The following HNRNPA1L2 variants were observed in gnomAD, a reference collection of about 807,000 sequenced individuals.
The protein encoded by HNRNPA1L2 is heterogeneous nuclear ribonucleoprotein A1-like 2.
A neutral mutation model predicts 18.2 loss-of-function variants in HNRNPA1L2; 10 were observed. That is an observed-to-expected ratio of 0.55 (90% CI 0.34 to 0.93). The LOEUF (loss-of-function observed/expected upper bound fraction) is 0.93, where lower values mean the gene tolerates loss of function less well. Ranked by LOEUF, HNRNPA1L2 falls within the 40% of genes least tolerant of loss-of-function variation. The pLI is 0.02. For missense variants in HNRNPA1L2, 308 were observed against 394.4 expected (o/e 0.78, Z 1.85); for synonymous variants, 124 against 138.6 (o/e 0.89, Z 0.74).
the HNRNPA1L2 span, among the ~76,000 whole-genome samples, chr13:52,625,203 CT>C: frequency 1.3e-5 from 2 of 150,624 alleles, no homozygotes; most frequent in Non-Finnish European, 3.0e-5. Flanking sequence ...CAACCTCCGC[CT>C]TCTAGGTTGA....
chr13:52,624,701 T>C, the HNRNPA1L2 span, among the ~76,000 whole-genome samples: 3 of 152,184 alleles, frequency 2.0e-5, no homozygotes, highest in Non-Finnish European at 4.4e-5. Context: ...ATTTGTTATA[T>C]TAGGTATTAC....
At chr13:52,635,530 G>A in the HNRNPA1L2 span, among the ~76,000 whole-genome samples, 6 of 150,782 alleles carry the variant, frequency 4.0e-5, no homozygotes, top group African/African-American at 7.3e-5. Flanking sequence ...AGATACACCC[G>A]TGAAACTGCC....
chr13:52,642,384 C>G, upstream of HNRNPA1L2: 1 of 1,400,792 alleles, frequency 7.1e-7, no homozygotes. Flanking sequence ...CAGCCAGAAT[C>G]TCATCCAAAT....
chr13:52,628,269 C>G, the HNRNPA1L2 span, among the ~76,000 whole-genome samples: 2 of 151,924 alleles, frequency 1.3e-5, no homozygotes, highest in African/African-American at 2.4e-5. Context: ...AAAACAAGAC[C>G]CCATCTTTAC....
At chr13:52,639,694 C>CAAAAAA (rs10661534), upstream of HNRNPA1L2, among the ~76,000 whole-genome samples, 83 of 73,534 alleles carry the variant, frequency 1.1e-3, no homozygotes, top group African/African-American at 3.6e-3. Context: ...GACCCTGTCT[C>CAAAAAA]AAAAAAAAAA....
At chr13:52,641,792 A>G (rs562670855), upstream of HNRNPA1L2, 3 of 152,252 alleles carry the variant, frequency 2.0e-5, no homozygotes, top group East Asian at 3.8e-4. Flanking sequence ...ACTCCCAGAC[A>G]TAATAGCAAT....
the HNRNPA1L2 span, among the ~76,000 whole-genome samples, chr13:52,621,197 A>C: frequency 6.6e-6 from 1 of 152,228 alleles, no homozygotes; most frequent in Non-Finnish European, 1.5e-5. Flanking sequence ...GCATGAGTCT[A>C]GTATAGATGT....
the HNRNPA1L2 span, among the ~76,000 whole-genome samples, chr13:52,629,855 C>G: frequency 6.6e-6 from 1 of 152,222 alleles, no homozygotes; most frequent in Non-Finnish European, 1.5e-5. Context: ...TTTAGAGGGC[C>G]GAGGCAGGCG....
At chr13:52,622,919 G>A in the HNRNPA1L2 span, among the ~76,000 whole-genome samples, 37 of 151,930 alleles carry the variant, frequency 2.4e-4, no homozygotes, top group Non-Finnish European at 4.4e-4. Flanking sequence ...CAAGTAGTAA[G>A]GTGTGTGGCT....
In HNRNPA1L2 at chr13:52,642,861, T is replaced by C. The variant is rs1961705934; in HGVS notation, c.369T>C (p.Asp123=). 6.3e-7 allele frequency: 1 copy of C among 1,596,592 alleles called. No individual in the cohort carries two copies. Among genetic ancestry groups the C allele is most frequent in the Non-Finnish European group, 8.5e-7 (1 of 1,179,710 alleles). ...ACACTGAAGAACATCACCTAAGAGA[T>C]TATTTTGAACAGTATGGAAAAATTG... ...KEDTEEHHLR[D]YFEQYGKIEV... is the part of the protein sequence containing the mutation. The change falls in exon 1 of 1, where the codon GAT becomes GAC. Residue 123 remains aspartate, a synonymous_variant. Transcript: ENST00000357495.
At chr13:52,633,565 G>C in the HNRNPA1L2 span, among the ~76,000 whole-genome samples, 4 of 152,126 alleles carry the variant, frequency 2.6e-5, no homozygotes, top group East Asian at 3.8e-4. Flanking sequence ...GTTGTATATG[G>C]ACTTAGGAGG....
At position 52,643,085 on chromosome 13, in the gene HNRNPA1L2, G is replaced by T. The variant is rs1961716521; in HGVS notation, c.593G>T (p.Gly198Val). The change falls in exon 1 of 1, where the codon GGT (glycine) becomes GTT (valine). Residue 198 changes from glycine to valine, a missense_variant. By Grantham distance (109) the Gly-to-Val change is moderately radical (BLOSUM62 -3). Coordinates refer to ENST00000357495, the MANE Select transcript of HNRNPA1L2 (RefSeq NM_001389320.1). ...SASSSQRGRRGSGNFGGGRGD... is the reference protein window; with the variant it reads ...SASSSQRGRRVSGNFGGGRGD... The stretch of plus-strand genomic sequence containing the variant: ...TCATCCAGCCAAAGAGGTCGAAGGG[G>T]TTCTGGAAACTTTGGTGGTGGTCGT... 1 of 1,597,616 alleles carries T rather than the reference G, an allele frequency of 6.3e-7. No homozygotes were observed. Among genetic ancestry groups the T allele is most frequent in the South Asian group, 1.1e-5 (1 of 90,990 alleles).
the HNRNPA1L2 span, chr13:52,617,666 C>A: frequency 2.2e-6 from 1 of 457,628 alleles, no homozygotes; most frequent in Non-Finnish European, 4.0e-6. Context: ...ACTCGCTGCT[C>A]GGCGTGGAAC....
At chr13:52,634,911 A>G in the HNRNPA1L2 span, among the ~76,000 whole-genome samples, 1 of 152,264 alleles carries the variant, frequency 6.6e-6, no homozygotes, top group Non-Finnish European at 1.5e-5. Context: ...TGTGAGGCAC[A>G]GTGCCTGGAA....
At chr13:52,630,772 TA>T in the HNRNPA1L2 span, among the ~76,000 whole-genome samples, 2 of 152,176 alleles carry the variant, frequency 1.3e-5, no homozygotes, top group Non-Finnish European at 2.9e-5. Flanking sequence ...TTTGGAATAT[TA>T]TTTGAATTAC....
Position 52,643,135 on chromosome 13 carries a change from A to G in HNRNPA1L2, c.643A>G (p.Asn215Asp), listed in dbSNP as rs9536212. 610,686 of 1,597,568 alleles carry G rather than the reference A, an allele frequency of 0.38. 120,238 individuals are homozygous for G. Among genetic ancestry groups the G allele is most frequent in the Non-Finnish European group, 0.41 (479,721 of 1,179,574 alleles). Residue 215 changes from asparagine to aspartate, a missense_variant, in exon 1 of 1, where the codon AAC becomes GAC. By Grantham distance (23) the Asn-to-Asp change is conservative. Transcript: ENST00000357495. ...TGGAGATGGTTTCGGTGGGAATGAC[A>G]ACTTTGGTCGTGGAGGAAACTTCAG... ...GRGDGFGGND[N>D]FGRGGNFSGR...
the HNRNPA1L2 span, among the ~76,000 whole-genome samples, chr13:52,633,687 C>T: frequency 6.6e-6 from 1 of 152,096 alleles, no homozygotes; most frequent in South Asian, 2.1e-4. Context: ...GTGGTGCATG[C>T]CTATAGTCCT....
the HNRNPA1L2 span, among the ~76,000 whole-genome samples, chr13:52,635,089 G>T: frequency 6.6e-6 from 1 of 152,178 alleles, no homozygotes; most frequent in African/African-American, 2.4e-5. Context: ...GGCTAGTTAA[G>T]CCTAACAGTT....
At chr13:52,625,443 A>ATTG in the HNRNPA1L2 span, among the ~76,000 whole-genome samples, 3 of 152,158 alleles carry the variant, frequency 2.0e-5, no homozygotes, top group Non-Finnish European at 4.4e-5. Flanking sequence ...TTCTCATTAC[A>ATTG]TTGTTAAAAT....
Sources: allele counts gnomAD v4.1 joint callset (sites outside exome capture counted in the v4.1 genomes callset), GRCh38; gene constraint gnomAD v4.1.1; transcripts MANE v1.5; gene names NCBI Gene and HGNC (gene_info 2026-07-23, HGNC 2026-07-21).